The following URB1 variants were observed in gnomAD, a reference collection of about 807,000 sequenced individuals.
The protein encoded by URB1 is URB1 ribosome biogenesis factor.
In URB1, 197 loss-of-function variants were observed where a neutral mutation model predicts 242.3. That is an observed-to-expected ratio of 0.81 (90% CI 0.72 to 0.91). URB1 has a LOEUF of 0.91. Among genes scored for constraint, URB1 ranks in the 40% least tolerant of loss-of-function variants. The probability of loss-of-function intolerance (pLI) is 0.00; values close to 1 mark genes in which losing one functional copy is unlikely to be tolerated. For missense variants in URB1, 2,721 were observed against 2,860.5 expected (o/e 0.95, Z 1.11); for synonymous variants, 1,153 against 1,201.8 (o/e 0.96, Z 0.84).
In URB1 at chr21:32,367,029, A is replaced by G. The variant is rs548567603; in HGVS notation, c.1198-274T>C. On this transcript the variant is annotated intron_variant, in intron 9 of 38. Coordinates refer to ENST00000382751, the MANE Select transcript of URB1 (RefSeq NM_014825.3). ...TCTTAAAACCTCTGATGGCAAATAAATCACTGCCAGAACTACGAATGGTAC... is the reference window on the plus strand; with the variant it reads ...TCTTAAAACCTCTGATGGCAAATAAGTCACTGCCAGAACTACGAATGGTAC... Among the ~76,000 whole-genome samples the G allele has an allele frequency of 3.3e-5, 5 of 152,274 alleles. No individual in the cohort carries two copies. The South Asian group carries it at 8.3e-4, about 25-fold the overall frequency.
At position 32,345,359 on chromosome 21, in the gene URB1, C is replaced by G. The variant is rs745831626; in HGVS notation, c.4070+15G>C. 4.5e-6 allele frequency: 7 copies of G among 1,549,808 alleles called. No individual in the cohort carries two copies. The South Asian group carries it at 8.3e-5, about 18-fold the overall frequency. ...CGAGAGTGGAACATCCTGCAACCAA[C>G]CTGAGCCTTCATACCTCTTGTGACT... On this transcript the variant is annotated intron_variant, in intron 23 of 38. Coordinates refer to ENST00000382751, the MANE Select transcript of URB1 (RefSeq NM_014825.3).
In URB1 at chr21:32,325,237, GC is replaced by G. The variant is rs949987003; in HGVS notation, c.5112del (p.Glu1704AspfsTer11). ...ACGCTCTTCCTACTTACCTGGGACT[GC>G]TCTTGGAACCGTGCGCCCTCCAAGT... ...YSHLEGARFQEQSQLLYLLDV... is the reference protein window; with the variant it reads ...YSHLEGARFQXQSQLLYLLDV... On this transcript the variant is annotated frameshift_variant, in exon 31 of 39. Transcript: ENST00000382751. LOFTEE classifies it high-confidence loss of function. 2.0e-5 allele frequency: 31 copies of G among 1,550,602 alleles called. No homozygotes were observed. In the Admixed American group the frequency reaches 5.1e-4, roughly 26 times the overall value.
chr21:32,383,907 C>T (rs2033553635), intron 3 of URB1, among the ~76,000 whole-genome samples: 1 of 152,192 alleles, frequency 6.6e-6, no homozygotes, highest in Non-Finnish European at 1.5e-5. Context: ...TGAATGCGAG[C>T]TCTTGGCTGT....
chr21:32,378,621 C>T (rs1297201940), intron 4 of URB1, 80 bp from the exon 5 acceptor site: 52 of 1,169,470 alleles, frequency 4.4e-5, no homozygotes, highest in Non-Finnish European at 6.2e-5. Context: ...TGGCCAAGCA[C>T]ACCCCTCCCG....
intron 28 of URB1, among the ~76,000 whole-genome samples, chr21:32,334,581 A>G (rs1470396995): frequency 2.6e-5 from 4 of 152,154 alleles, no homozygotes; most frequent in African/African-American, 9.7e-5. Context: ...AGCTGGCCCT[A>G]TTCTAAGCCC....
chr21:32,328,731 T>C (rs1039439577), intron 30 of URB1, among the ~76,000 whole-genome samples: 23 of 152,218 alleles, frequency 1.5e-4, no homozygotes, highest in African/African-American at 5.3e-4. Context: ...CACGTGTCCA[T>C]GAGGAAAAGT....
rs2032687184 is a variant in URB1, at chr21:32,316,491, C to A, written c.6609G>T (p.Leu2203=). The change falls in exon 38 of 39, where the codon CTG becomes CTT. Residue 2203 remains leucine, a synonymous_variant. Coordinates refer to ENST00000382751, the MANE Select transcript of URB1 (RefSeq NM_014825.3). ...PAMEALSLSS[L]SEKDEATQAS... ...CTTGTGTGGCTTCATCCTTCTCACTCAGAGAAGACAGGGAGAGGGCTTCCA... is the reference window on the plus strand; with the variant it reads ...CTTGTGTGGCTTCATCCTTCTCACTAAGAGAAGACAGGGAGAGGGCTTCCA... The A allele has an allele frequency of 2.6e-6, 4 of 1,535,358 alleles. No homozygotes were observed. The highest frequency in any genetic ancestry group is 2.6e-6 in the Non-Finnish European group (3 of 1,140,244).
intron 18 of URB1, 63 bp downstream of exon 18, chr21:32,353,870 C>G: frequency 6.7e-7 from 1 of 1,496,200 alleles, no homozygotes; most frequent in Non-Finnish European, 8.9e-7. Flanking sequence ...GGAATCCCAC[C>G]TCCCACCCTG....
intron 23 of URB1, among the ~76,000 whole-genome samples, 170 bp from the exon 24 acceptor site, chr21:32,344,926 G>C (rs1395808296): frequency 6.6e-6 from 1 of 152,132 alleles, no homozygotes; most frequent in Non-Finnish European, 1.5e-5. Flanking sequence ...AAATGCCAAA[G>C]ATATACCAAA....
At chr21:32,332,212 CT>C (rs2123558632) in intron 30 of URB1, among the ~76,000 whole-genome samples, 1 of 152,058 alleles carries the variant, frequency 6.6e-6, no homozygotes, top group East Asian at 1.9e-4. Flanking sequence ...AAACTAGAAA[CT>C]TTTAGATAGA....
At chr21:32,326,708 A>T (rs8128373) in intron 30 of URB1, among the ~76,000 whole-genome samples, 5 of 152,154 alleles carry the variant, frequency 3.3e-5, no homozygotes, top group African/African-American at 1.2e-4. Context: ...GGCATGTAAG[A>T]TGTGCCTGCT....
chr21:32,366,120 CAT>C (rs1411811233), intron 10 of URB1, among the ~76,000 whole-genome samples: 2 of 152,182 alleles, frequency 1.3e-5, no homozygotes, highest in African/African-American at 4.8e-5. Context: ...CTTCCATGAA[CAT>C]GTCCTCCAAA....
At chr21:32,373,827 A>G (rs2033431503) in intron 6 of URB1, 55 bp from the exon 7 acceptor site, 1 of 1,416,590 alleles carries the variant, frequency 7.1e-7, no homozygotes, top group South Asian at 1.5e-5. Flanking sequence ...AAGTTCATGG[A>G]ATTCAATTAT....
At chr21:32,360,757 A>G (rs926404441) in intron 13 of URB1, among the ~76,000 whole-genome samples, 1 of 152,218 alleles carries the variant, frequency 6.6e-6, no homozygotes, top group Non-Finnish European at 1.5e-5. Flanking sequence ...TGGGCCATTC[A>G]TGTAGGTTGC....
At chr21:32,351,032 T>A (rs2033151664) in intron 19 of URB1, 110 bp from the exon 20 acceptor site, 4 of 1,157,646 alleles carry the variant, frequency 3.5e-6, no homozygotes, top group Non-Finnish European at 4.9e-6. Context: ...AAGAAGCACA[T>A]GCTGAGATAA....
Position 32,378,676 on chromosome 21 carries a change from G to A in URB1, c.568-135C>T, listed in dbSNP as rs141328214. 582 of 718,140 alleles carry A rather than the reference G, an allele frequency of 8.1e-4. 3 individuals carry two copies. In the East Asian group the frequency reaches 0.013, roughly 16 times the overall value. 44.5% of individuals were successfully genotyped at this position (718,140 alleles called of 1,614,324 possible). Reference sequence around the variant, plus strand: ...CCAGCCTTGTCCCCAGTCACCAGGGGATGCAAGTCTGAAACCAATGCTCAT... The same window carrying A: ...CCAGCCTTGTCCCCAGTCACCAGGGAATGCAAGTCTGAAACCAATGCTCAT... On this transcript the variant is annotated intron_variant, in intron 4 of 38. Coordinates refer to ENST00000382751, the MANE Select transcript of URB1 (RefSeq NM_014825.3).
chr21:32,315,139 T>C, intron 38 of URB1, 40 bp from the exon 39 acceptor site: 2 of 1,454,204 alleles, frequency 1.4e-6, no homozygotes, highest in East Asian at 5.1e-5. Flanking sequence ...GATGCACACC[T>C]GCTCAGCTCG....
intron 15 of URB1, among the ~76,000 whole-genome samples, chr21:32,356,844 G>A (rs933995293): frequency 6.6e-6 from 1 of 152,202 alleles, no homozygotes; most frequent in Non-Finnish European, 1.5e-5. Context: ...AAATCTGGCT[G>A]GGGTCAGGTT....
chr21:32,346,061 G>T (rs546753093), intron 22 of URB1, among the ~76,000 whole-genome samples: 1 of 152,328 alleles, frequency 6.6e-6, no homozygotes, highest in South Asian at 2.1e-4. Context: ...TGCAGTCCTT[G>T]TGGTAGAGTG....
Sources: gnomAD v4.1 joint callset for allele counts (sites outside exome capture counted in the v4.1 genomes callset) on GRCh38, gnomAD v4.1.1 for gene constraint, MANE v1.5 for transcripts, NCBI Gene and HGNC (gene_info 2026-07-23, HGNC 2026-07-21) for gene names.